PTPRU: variants seen among roughly 807,000 people sequenced by gnomAD.
PTPRU encodes the protein protein tyrosine phosphatase receptor type U.
In PTPRU, 69 loss-of-function variants were observed where a neutral mutation model predicts 166.3. The observed-to-expected ratio is 0.41, with a 90% CI of 0.34 to 0.51. The LOEUF is 0.51. Ranked by LOEUF, PTPRU falls within the 20% of genes least tolerant of loss-of-function variation. The pLI is 0.09. For synonymous variants in PTPRU, 793 were observed against 814.0 expected (o/e 0.97, Z 0.44); for missense variants, 1,657 against 2,013.7 (o/e 0.82, Z 3.39).
Position 29,260,747 on chromosome 1 carries a change from C to G in PTPRU, c.988C>G (p.Pro330Ala). 1.9e-6 allele frequency: 3 copies of G among 1,611,852 alleles called. No individual in the cohort carries two copies. Among genetic ancestry groups the G allele is most frequent in the Non-Finnish European group, 2.5e-6 (3 of 1,179,016 alleles). The change falls in exon 7 of 30, where the codon CCC becomes GCC. Residue 330 changes from proline (P) to alanine (A), a missense_variant. By Grantham distance (27) the Pro-to-Ala change is conservative. Transcript: ENST00000373779. This position sits in a 1 kb window ranked among gnomAD's most constrained non-coding sequence, Gnocchi z 8.3. ...KEIEYRMARG[P>A]WAEVHAVSLQ... is the part of the protein sequence containing the mutation. The stretch of plus-strand genomic sequence containing the variant: ...GATTGAGTACCGCATGGCGCGCGGG[C>G]CCTGGGCTGAGGTGCACGCCGTCAG...
intron 22 of PTPRU, among the ~76,000 whole-genome samples, 199 bp downstream of exon 22, chr1:29,312,905 C>T (rs1379416249): frequency 6.6e-6 from 1 of 152,192 alleles, no homozygotes; most frequent in Non-Finnish European, 1.5e-5. Flanking sequence ...TCATGTGCCC[C>T]CCAAGACCTG....
At position 29,315,529 on chromosome 1, in the gene PTPRU, C is replaced by A. The variant is rs1687863384; in HGVS notation, c.3363+22C>A. 1.9e-6 allele frequency: 3 copies of A among 1,613,740 alleles called. No individual in the cohort carries two copies. Among genetic ancestry groups the A allele is most frequent in the Non-Finnish European group, 2.5e-6 (3 of 1,179,936 alleles). Reference sequence around the variant, plus strand: ...TGAGGTGCGGGGACCTGGCCCTGTCCCCACCATTATTACTTCTAGGACTGG... The same window carrying A: ...TGAGGTGCGGGGACCTGGCCCTGTCACCACCATTATTACTTCTAGGACTGG... On this transcript the variant is annotated intron_variant, in intron 23 of 29. Coordinates refer to ENST00000373779, the MANE Select transcript of PTPRU (RefSeq NM_133178.4). The surrounding 1 kb of genome is among the most constrained non-coding windows in gnomAD (Gnocchi z 4.5).
In PTPRU at chr1:29,237,743, T is replaced by C. The variant is rs1683838828; in HGVS notation, c.73+1026T>C. ...GTTCCGCGCGGCGCTGGCGGGCGGC[T>C]GATCCGAGGCGGCGCCGGGGCTGCG... is the stretch of plus-strand genomic sequence containing the variant. On this transcript the variant is annotated intron_variant, in intron 1 of 29. Coordinates refer to ENST00000373779, the MANE Select transcript of PTPRU (RefSeq NM_133178.4). The surrounding 1 kb of genome is among the most constrained non-coding windows in gnomAD (Gnocchi z 6.4). Among the ~76,000 whole-genome samples the C allele has an allele frequency of 6.7e-6, 1 of 149,170 alleles. No homozygotes were observed.
intron 14 of PTPRU, among the ~76,000 whole-genome samples, chr1:29,288,184 C>T (rs1033970311): frequency 6.6e-6 from 1 of 152,096 alleles, no homozygotes; most frequent in African/African-American, 2.4e-5. Context: ...TTTATTTTTC[C>T]TCATTTATTG....
chr1:29,302,097 T>G (rs1038438224), intron 15 of PTPRU, among the ~76,000 whole-genome samples: 1 of 151,232 alleles, frequency 6.6e-6, no homozygotes, highest in Admixed American at 6.6e-5. Flanking sequence ...GATGTGGAGG[T>G]GGAAGACAGC....
chr1:29,278,435 AAAAC>A (rs1685914131), intron 8 of PTPRU, among the ~76,000 whole-genome samples: 1 of 152,238 alleles, frequency 6.6e-6, no homozygotes, highest in Non-Finnish European at 1.5e-5. Context: ...TTACACAAGA[AAAAC>A]AAAACAAAGC....
chr1:29,312,931 C>T (rs1687733668), intron 22 of PTPRU, among the ~76,000 whole-genome samples: 2 of 152,174 alleles, frequency 1.3e-5, no homozygotes, highest in South Asian at 4.1e-4. Context: ...CCCCTTGACC[C>T]AGGTGCTGAG....
Position 29,291,806 on chromosome 1 carries a change from C to G in PTPRU, c.2319-63C>G, listed in dbSNP as rs1481412988. ...TCCCCTTACTCCAGGGCCTCCCCAG[C>G]CACCTCTGGGTGCTGTCCAGCCCCA... On this transcript the variant is annotated intron_variant, in intron 14 of 29. Coordinates refer to ENST00000373779, the MANE Select transcript of PTPRU (RefSeq NM_133178.4). The surrounding 1 kb of genome is among the most constrained non-coding windows in gnomAD (Gnocchi z 4.1). 1 of 1,567,284 alleles carries G rather than the reference C, an allele frequency of 6.4e-7. No individual in the cohort carries two copies. The highest frequency in any genetic ancestry group is 8.7e-7 in the Non-Finnish European group (1 of 1,150,696).
At chr1:29,248,053 G>A (rs1684376934) in intron 1 of PTPRU, among the ~76,000 whole-genome samples, 1 of 152,232 alleles carries the variant, frequency 6.6e-6, no homozygotes, top group Non-Finnish European at 1.5e-5. Flanking sequence ...GTCTAGATGA[G>A]TTGACTTGGG....
Position 29,280,157 on chromosome 1 carries a change from C to A in PTPRU, c.1868+16C>A. On this transcript the variant is annotated intron_variant, in intron 11 of 29. Coordinates refer to ENST00000373779, the MANE Select transcript of PTPRU (RefSeq NM_133178.4). The surrounding 1 kb of genome is among the most constrained non-coding windows in gnomAD (Gnocchi z 4.2). Reference sequence around the variant, plus strand: ...CGCCCATCAGGTGGGAAAGCGGGGACGGAGGGGTGGGAGTCCAGGGCCTTA... The same window carrying A: ...CGCCCATCAGGTGGGAAAGCGGGGAAGGAGGGGTGGGAGTCCAGGGCCTTA... 1 of 1,595,992 alleles carries A rather than the reference C, an allele frequency of 6.3e-7. No homozygotes were observed. The highest frequency in any genetic ancestry group is 8.6e-7 in the Non-Finnish European group (1 of 1,165,088).
intron 18 of PTPRU, among the ~76,000 whole-genome samples, chr1:29,306,554 C>G (rs1480488124): frequency 6.6e-6 from 1 of 152,208 alleles, no homozygotes. Context: ...TGTTACACAG[C>G]AGGCTAGTGG....
rs1403514963 is a variant in PTPRU, at chr1:29,260,077, C to T, written c.850+33C>T. On this transcript the variant is annotated intron_variant, in intron 6 of 29. Coordinates refer to ENST00000373779, the MANE Select transcript of PTPRU (RefSeq NM_133178.4). The surrounding 1 kb of genome is among the most constrained non-coding windows in gnomAD (Gnocchi z 8.3). ...GGTGGACGCCGGGGAGCGCCGGGAC[C>T]TCACCCTCGAGGGGCGGGGCCGGCG... 2.9e-6 allele frequency: 4 copies of T among 1,375,122 alleles called. No homozygotes were observed. The highest frequency in any genetic ancestry group is 3.7e-6 in the Non-Finnish European group (4 of 1,069,160). 85.2% of individuals were successfully genotyped at this position (1,375,122 alleles called of 1,614,324 possible).
Position 29,320,952 on chromosome 1 carries a change from T to C in PTPRU, c.3828+127T>C. The stretch of plus-strand genomic sequence containing the variant: ...CATCTATTTATTGTGTGATGAATCA[T>C]ACACCTTCCCAGAGCCTCAGTTTCT... On this transcript the variant is annotated intron_variant, in intron 26 of 29. Coordinates refer to ENST00000373779, the MANE Select transcript of PTPRU (RefSeq NM_133178.4). The surrounding 1 kb of genome is among the most constrained non-coding windows in gnomAD (Gnocchi z 5.2). The C allele has an allele frequency of 9.4e-7, 1 of 1,068,874 alleles. No homozygotes were observed. The highest frequency in any genetic ancestry group is 2.7e-5 in the South Asian group (1 of 37,314). The allele number at this position is 1,068,874 out of a possible 1,614,324, so 66.2% of individuals were successfully genotyped here. A position where few individuals can be genotyped will look rare whatever the true frequency, so the allele number is the denominator to read the frequency against.
chr1:29,254,934 A>T (rs1380068331), intron 1 of PTPRU, among the ~76,000 whole-genome samples: 1 of 152,080 alleles, frequency 6.6e-6, no homozygotes, highest in African/African-American at 2.4e-5. Flanking sequence ...TCCTGATCTT[A>T]TGGGTTGTTG....
intron 8 of PTPRU, among the ~76,000 whole-genome samples, chr1:29,278,690 T>C (rs1685924076): frequency 6.6e-6 from 1 of 152,218 alleles, no homozygotes; most frequent in African/African-American, 2.4e-5. Context: ...TGGAACAAAA[T>C]TGGAGCCTTC....
At chr1:29,307,141 C>T (rs866099875) in intron 18 of PTPRU, 4 of 1,613,184 alleles carry the variant, frequency 2.5e-6, no homozygotes, top group African/African-American at 1.3e-5. Context: ...TCGGATAAAC[C>T]GAGAAGTAAG....
intron 15 of PTPRU, 58 bp from the exon 16 acceptor site, chr1:29,303,797 G>T: frequency 1.3e-6 from 2 of 1,495,430 alleles, no homozygotes; most frequent in African/African-American, 1.4e-5. Context: ...AGTCTCTCCA[G>T]GACCCCCGAG....
chr1:29,260,433 C>A lies in PTPRU; in HGVS notation c.851-177C>A, dbSNP rs1429517409. Reference sequence around the variant, plus strand: ...CGGGGTCAGCCTTTGGAGCCAGGTGCCCCTTAGGGCCCGGGATTTAGTGGG... The same window carrying A: ...CGGGGTCAGCCTTTGGAGCCAGGTGACCCTTAGGGCCCGGGATTTAGTGGG... On this transcript the variant is annotated intron_variant, in intron 6 of 29. Coordinates refer to ENST00000373779, the MANE Select transcript of PTPRU (RefSeq NM_133178.4). This position sits in a 1 kb window ranked among gnomAD's most constrained non-coding sequence, Gnocchi z 8.3. 6.6e-6 allele frequency among the ~76,000 whole-genome samples: 1 copy of A among 151,980 alleles called. No individual in the cohort carries two copies. The highest frequency in any genetic ancestry group is 6.6e-5 in the Admixed American group (1 of 15,264).
intron 15 of PTPRU, among the ~76,000 whole-genome samples, chr1:29,297,459 G>C (rs1686944409): frequency 6.6e-6 from 1 of 152,160 alleles, no homozygotes; most frequent in Admixed American, 6.5e-5. Context: ...GGCAGAGTCA[G>C]GACTTAAATG....
Sources: allele counts gnomAD v4.1 joint callset (sites outside exome capture counted in the v4.1 genomes callset), GRCh38; gene constraint gnomAD v4.1.1; non-coding constraint Gnocchi (gnomAD v3.1); transcripts MANE v1.5; gene names NCBI Gene and HGNC (gene_info 2026-07-23, HGNC 2026-07-21).